The following CHST11 variants were observed in gnomAD, a reference collection of about 807,000 sequenced individuals.
CHST11 encodes carbohydrate sulfotransferase 11, also known as C4S-1.
CHST11 carries 9 observed loss-of-function variants against 30.4 expected under a neutral mutation model. That is an observed-to-expected ratio of 0.30 (90% CI 0.18 to 0.52). The LOEUF (loss-of-function observed/expected upper bound fraction) is 0.52, where lower values mean the gene tolerates loss of function less well. Among genes scored for constraint, CHST11 ranks in the 20% least tolerant of loss-of-function variants. The pLI is 0.97. For synonymous variants in CHST11, 152 were observed against 187.8 expected, an observed-to-expected ratio of 0.81 and a Z score of 1.56; for missense variants, 348 against 460.6, an observed-to-expected ratio of 0.76 and a Z score of 2.24.
intron 2 of CHST11, among the ~76,000 whole-genome samples, chr12:104,701,787 T>G (rs1283157256): frequency 6.6e-6 from 1 of 152,196 alleles, no homozygotes; most frequent in African/African-American, 2.4e-5. Context: ...CAGGCCGGTC[T>G]GTGTGTTCAA....
At chr12:104,637,720 G>A (rs1372666754) in intron 2 of CHST11, among the ~76,000 whole-genome samples, 1 of 152,162 alleles carries the variant, frequency 6.6e-6, no homozygotes, top group Admixed American at 6.5e-5. Flanking sequence ...TTTTGTTGCC[G>A]GAGAGACTGC....
chr12:104,622,159 A>G (rs1194039651), intron 2 of CHST11, among the ~76,000 whole-genome samples: 3 of 152,208 alleles, frequency 2.0e-5, no homozygotes, highest in Admixed American at 2.0e-4. Flanking sequence ...CTCTTTGACA[A>G]CCACACATTC....
Position 104,761,464 on chromosome 12 carries a change from T to TAC in CHST11, c.*3697_*3698dup, listed in dbSNP as rs140486952. The TAC allele has an allele frequency of 0.2, 28,025 of 142,682 alleles. 2,979 individuals are homozygous for TAC. The highest frequency in any genetic ancestry group is 0.38 in the South Asian group (1,668 of 4,386). 8.8% of individuals were successfully genotyped at this position (142,682 alleles called of 1,614,324 possible). Reference sequence around the variant, plus strand: ...CTTGCTTTCCTAGCCAGTCCTCCCCTACACACACACACACACACACACACA... The same window carrying TAC: ...CTTGCTTTCCTAGCCAGTCCTCCCCTACACACACACACACACACACACACACA... On this transcript the variant is annotated 3_prime_UTR_variant, in exon 3 of 3. Transcript: ENST00000303694.
chr12:104,602,876 G>A (rs1458466134), intron 2 of CHST11, among the ~76,000 whole-genome samples: 3 of 152,118 alleles, frequency 2.0e-5, no homozygotes, highest in Non-Finnish European at 4.4e-5. Context: ...CAAAGGTGTC[G>A]AATTTTTAGA....
At chr12:104,537,067 G>C (rs184303972) in intron 1 of CHST11, among the ~76,000 whole-genome samples, 2 of 152,306 alleles carry the variant, frequency 1.3e-5, no homozygotes, top group East Asian at 3.9e-4. Context: ...GCTGCCCTCT[G>C]GTTACACACC....
chr12:104,637,335 A>G (rs1164769), intron 2 of CHST11, among the ~76,000 whole-genome samples: 14,076 of 47,374 alleles, frequency 0.3, 1,842 homozygotes, highest in African/African-American at 0.31. Flanking sequence ...AAAAAAAAAA[A>G]GGGGGTTGGG....
intron 1 of CHST11, among the ~76,000 whole-genome samples, chr12:104,468,695 C>T (rs1238115809): frequency 1.3e-5 from 2 of 152,202 alleles, no homozygotes; most frequent in African/African-American, 2.4e-5. Context: ...CAGCATCTGG[C>T]GTAGTACTTG....
intron 1 of CHST11, among the ~76,000 whole-genome samples, chr12:104,563,426 A>G (rs1227146816): frequency 2.0e-5 from 3 of 152,184 alleles, no homozygotes; most frequent in African/African-American, 7.2e-5. Flanking sequence ...CTTCCATAGT[A>G]GCCTTTTTCA....
At chr12:104,487,871 C>G (rs1471372528) in intron 1 of CHST11, among the ~76,000 whole-genome samples, 1 of 150,330 alleles carries the variant, frequency 6.7e-6, no homozygotes, top group Non-Finnish European at 1.5e-5. Context: ...TTTTTTTTCA[C>G]AAGGAGATAC....
intron 1 of CHST11, among the ~76,000 whole-genome samples, chr12:104,504,148 C>A (rs979471278): frequency 1.3e-5 from 2 of 152,204 alleles, no homozygotes; most frequent in Non-Finnish European, 2.9e-5. Context: ...GGGCAGTCAT[C>A]AGCGCCTTGC....
chr12:104,594,105 C>T (rs868569613), intron 1 of CHST11, among the ~76,000 whole-genome samples: 3 of 152,076 alleles, frequency 2.0e-5, no homozygotes, highest in African/African-American at 7.2e-5. Context: ...ACAAACATAC[C>T]GAGTACCTGC....
chr12:104,623,387 G>C (rs901524548), intron 2 of CHST11, among the ~76,000 whole-genome samples: 2 of 152,194 alleles, frequency 1.3e-5, no homozygotes, highest in Non-Finnish European at 2.9e-5. Context: ...GCTGATGTAC[G>C]GTCGAGGTCC....
chr12:104,463,267 T>G (rs1417623980), intron 1 of CHST11, among the ~76,000 whole-genome samples: 1 of 152,192 alleles, frequency 6.6e-6, no homozygotes, highest in African/African-American at 2.4e-5. Flanking sequence ...CCAGAAGTCA[T>G]TCTGCTGATT....
rs145042532 is a variant in CHST11 at position 104,692,740 on chromosome 12, G to C, written c.205-64209G>C. On this transcript the variant is annotated intron_variant, in intron 2 of 2. Coordinates refer to ENST00000303694, the MANE Select transcript of CHST11 (RefSeq NM_018413.6). Reference sequence around the variant, plus strand: ...CAGTGGCCTCATAAGATTCTCACAGGAGCACAAACCCTATTGTGAATTGCA... The same window carrying C: ...CAGTGGCCTCATAAGATTCTCACAGCAGCACAAACCCTATTGTGAATTGCA... Among the ~76,000 whole-genome samples the C allele has an allele frequency of 6.1e-3, 930 of 152,242 alleles. 12 individuals carry two copies. Among genetic ancestry groups the C allele is most frequent in the African/African-American group, 0.021 (881 of 41,522 alleles).
rs540673422 is a variant in CHST11 at position 104,488,639 on chromosome 12, G to A, written c.118+31110G>A. ...TATGTGTGCATGTATGTGTGTGTGC[G>A]TGTGTATGTGTGTGTGTATGTGTGC... On this transcript the variant is annotated intron_variant, in intron 1 of 2. Transcript: ENST00000303694. Among the ~76,000 whole-genome samples the A allele has an allele frequency of 8.6e-4, 110 of 127,950 alleles. 2 individuals carry two copies. The East Asian group carries it at 0.022, about 25-fold the overall frequency. The allele number at this position is 127,950 out of a possible 152,430, so 83.9% of individuals were successfully genotyped here.
intron 2 of CHST11, among the ~76,000 whole-genome samples, chr12:104,726,048 A>G (rs1353052066): frequency 6.6e-6 from 1 of 152,218 alleles, no homozygotes; most frequent in Non-Finnish European, 1.5e-5. Flanking sequence ...AGGATTGGCA[A>G]GAACAAGGCC....
chr12:104,509,138 G>A lies in CHST11; in HGVS notation c.118+51609G>A, dbSNP rs534499756. On this transcript the variant is annotated intron_variant, in intron 1 of 2. Coordinates refer to ENST00000303694, the MANE Select transcript of CHST11 (RefSeq NM_018413.6). ...CTGTGGGAGGTCATTGAACCATGGG[G>A]GCAGGTCTTTCCTGTGCTGTTCTTG... 2.6e-5 allele frequency among the ~76,000 whole-genome samples: 4 copies of A among 152,294 alleles called. No individual in the cohort carries two copies. In the South Asian group the frequency reaches 8.3e-4, roughly 32 times the overall value.
chr12:104,517,113 C>T lies in CHST11; in HGVS notation c.118+59584C>T, dbSNP rs117847422. Among the ~76,000 whole-genome samples, 523 of 152,294 alleles carry T rather than the reference C, an allele frequency of 3.4e-3. 2 individuals are homozygous for T. The highest frequency in any genetic ancestry group is 8.5e-3 in the South Asian group (41 of 4,826). The stretch of plus-strand genomic sequence containing the variant: ...GAGCCTTGAGAGGTTTAGTAACATT[C>T]CCAGGCTGAGTGGTTAAGTAACTGG... On this transcript the variant is annotated intron_variant, in intron 1 of 2. Coordinates refer to ENST00000303694, the MANE Select transcript of CHST11 (RefSeq NM_018413.6).
intron 1 of CHST11, among the ~76,000 whole-genome samples, chr12:104,575,192 C>CA (rs560384722): frequency 0.021 from 2,820 of 132,092 alleles, 46 homozygotes; most frequent in Admixed American, 0.043. Context: ...GATCCTGTCT[C>CA]AAAAAAAAAA....
Sources: allele counts gnomAD v4.1 joint callset (sites outside exome capture counted in the v4.1 genomes callset), GRCh38; gene constraint gnomAD v4.1.1; transcripts MANE v1.5; gene names NCBI Gene and HGNC (gene_info 2026-07-23, HGNC 2026-07-21).